Variants in ZNF675 observed in about 807,000 individuals in gnomAD.
ZNF675 encodes the protein TRAF6 inhibitory zinc finger.
ZNF675 carries 36 observed loss-of-function variants against 56.1 expected under a neutral mutation model. The observed-to-expected ratio is 0.64, with a 90% CI of 0.49 to 0.85. ZNF675 has a LOEUF of 0.85. ZNF675 is among the 40% of genes least tolerant of loss of function. The pLI is 0.00. For synonymous variants in ZNF675, 200 were observed against 218.9 expected, an observed-to-expected ratio of 0.91 and a Z score of 0.76; for missense variants, 663 against 654.2, an observed-to-expected ratio of 1.01 and a Z score of -0.15.
At chr19:23,677,842 G>A (rs1038483352) in intron 1 of ZNF675, among the ~76,000 whole-genome samples, 6 of 151,382 alleles carry the variant, frequency 4.0e-5, no homozygotes, top group African/African-American at 1.5e-4. Context: ...AGAGATGGCC[G>A]GCTACAGTGG....
At chr19:23,682,114 CAAAAT>C (rs1182969779) in intron 1 of ZNF675, among the ~76,000 whole-genome samples, 6 of 151,702 alleles carry the variant, frequency 4.0e-5, no homozygotes, top group East Asian at 3.9e-4. Context: ...CTTCAGTGGT[CAAAAT>C]AAAATACTTC....
chr19:23,677,009 G>C (rs1171292208), intron 1 of ZNF675, among the ~76,000 whole-genome samples: 2 of 150,344 alleles, frequency 1.3e-5, no homozygotes, highest in Non-Finnish European at 2.9e-5. Context: ...CCCGGGAGGT[G>C]GAGCTTGCAG....
At chr19:23,685,215 C>CA (rs1462114258) in intron 1 of ZNF675, among the ~76,000 whole-genome samples, 5 of 152,124 alleles carry the variant, frequency 3.3e-5, no homozygotes, top group African/African-American at 1.2e-4. Flanking sequence ...TCCACCGCCT[C>CA]AGACTCCCAA....
intron 1 of ZNF675, among the ~76,000 whole-genome samples, chr19:23,668,693 G>A (rs1372951336): frequency 6.6e-5 from 10 of 152,312 alleles, no homozygotes; most frequent in South Asian, 2.1e-4. Flanking sequence ...GCTAAGGCCC[G>A]GCGAGAAATC....
chr19:23,668,852 G>T (rs756042613), intron 1 of ZNF675, among the ~76,000 whole-genome samples: 7 of 152,176 alleles, frequency 4.6e-5, no homozygotes, highest in Non-Finnish European at 8.8e-5. Flanking sequence ...CGCCCACCCG[G>T]AACTCCAGCT....
chr19:23,686,646 G>A (rs1216417970), intron 1 of ZNF675, among the ~76,000 whole-genome samples: 3 of 152,034 alleles, frequency 2.0e-5, no homozygotes, highest in Non-Finnish European at 4.4e-5. Context: ...ATTTTAATAG[G>A]AGAAAACAGG....
chr19:23,671,054 T>C (rs763950147), intron 1 of ZNF675, among the ~76,000 whole-genome samples: 6 of 152,086 alleles, frequency 3.9e-5, no homozygotes, highest in Non-Finnish European at 8.8e-5. Flanking sequence ...GGCAGAAAAT[T>C]ATGATAAAGT....
At chr19:23,658,108 T>A (rs567119790) in intron 3 of ZNF675, among the ~76,000 whole-genome samples, 1 of 152,182 alleles carries the variant, frequency 6.6e-6, no homozygotes, top group South Asian at 2.1e-4. Context: ...ACGTCTGTAA[T>A]CCCAGCACAT....
intron 1 of ZNF675, among the ~76,000 whole-genome samples, chr19:23,665,060 C>A (rs1324894917): frequency 3.9e-5 from 6 of 151,952 alleles, no homozygotes; most frequent in African/African-American, 1.5e-4. Context: ...AATTAGAAAC[C>A]TGGGCTGGGC....
At position 23,663,122 on chromosome 19, in the gene ZNF675, A is replaced by G. The variant is rs756583473; in HGVS notation, c.40T>C (p.Ser14Pro). 1.9e-6 allele frequency: 3 copies of G among 1,610,940 alleles called. No individual in the cohort carries two copies. Among genetic ancestry groups the G allele is most frequent in the Admixed American group, 1.7e-5 (1 of 59,492 alleles). ...LTFRDVAIEF[S>P]LEEWQCLDTA... is the part of the protein sequence containing the mutation. ...TCCAGGCATTGCCATTCTTCCAGAG[A>G]GAATTCTATGGCCACATCCCTAAAT... The change falls in exon 2 of 4, where the codon TCT becomes CCT. Residue 14 changes from serine to proline, a missense_variant. Transcript: ENST00000359788.
In ZNF675 at chr19:23,654,142, G is replaced by C. The variant is rs776352296; in HGVS notation, c.791C>G (p.Ala264Gly). Residue 264 changes from alanine to glycine, a missense_variant, in exon 4 of 4, where the codon GCC (alanine) becomes GGC (glycine). Around this residue, in one of 3 missense-constraint regions of ZNF675, gnomAD observed 617 missense variants for 590.5 expected, o/e 1.04. Coordinates refer to ENST00000359788, the MANE Select transcript of ZNF675 (RefSeq NM_138330.3). The stretch of plus-strand genomic sequence containing the variant: ...AGTAAGGTGTGAGGACTGGTTAAAG[G>C]CTTTGCCACATTCTTCACATTTGTA... The part of the protein sequence containing the change: ...KPYKCEECGK[A>G]FNQSSHLTTH... The C allele has an allele frequency of 6.2e-7, 1 of 1,613,930 alleles. No individual in the cohort carries two copies. Among genetic ancestry groups the C allele is most frequent in the Non-Finnish European group, 8.5e-7 (1 of 1,179,972 alleles).
intron 3 of ZNF675, chr19:23,655,581 T>G (rs1196116494): frequency 2.0e-5 from 3 of 151,980 alleles, no homozygotes; most frequent in Non-Finnish European, 4.4e-5. Context: ...TGAGGAACTT[T>G]CCCTCATGAC....
Position 23,654,540 on chromosome 19 carries a change from T to G in ZNF675, c.393A>C (p.Gly131=). The change falls in exon 4 of 4, where the codon GGA becomes GGC. Residue 131 remains glycine, a synonymous_variant. Coordinates refer to ENST00000359788, the MANE Select transcript of ZNF675 (RefSeq NM_138330.3). ...GCATAGTTGGTAAACATTGGTTAAG[T>G]CCATTATAACCTCCCTTGTGCAACT... ...ECKLHKGGYN[G]LNQCLPTMQS... is the part of the protein sequence containing the mutation. 1 of 1,607,114 alleles carries G rather than the reference T, an allele frequency of 6.2e-7. No homozygotes were observed. Among genetic ancestry groups the G allele is most frequent in the Non-Finnish European group, 8.5e-7 (1 of 1,176,876 alleles).
At chr19:23,654,805 C>A in intron 3 of ZNF675, 99 bp from the exon 4 acceptor site, 1 of 970,628 alleles carries the variant, frequency 1.0e-6, no homozygotes, top group Non-Finnish European at 1.4e-6. Flanking sequence ...AGCAAGATGG[C>A]ACCACAGGCC....
intron 1 of ZNF675, among the ~76,000 whole-genome samples, chr19:23,677,976 A>C (rs62118323): frequency 6.6e-6 from 1 of 151,228 alleles, no homozygotes; most frequent in Admixed American, 6.6e-5. Flanking sequence ...CAAAATTAGC[A>C]CGGGGTGGTG....
At chr19:23,678,298 C>T (rs1487261906) in intron 1 of ZNF675, among the ~76,000 whole-genome samples, 2 of 146,984 alleles carry the variant, frequency 1.4e-5, no homozygotes, top group African/African-American at 5.1e-5. Context: ...GTTCTTGTCG[C>T]CTAGGCTGGA....
At chr19:23,663,295 T>A in intron 1 of ZNF675, 137 bp from the exon 2 acceptor site, 1 of 1,141,408 alleles carries the variant, frequency 8.8e-7, no homozygotes, top group South Asian at 1.5e-5. Context: ...AAAATCATAT[T>A]TTTTACACAG....
intron 1 of ZNF675, 42 bp downstream of exon 1, chr19:23,686,989 A>G: frequency 6.2e-7 from 1 of 1,613,256 alleles, no homozygotes; most frequent in Non-Finnish European, 8.5e-7. Flanking sequence ...GGTTCCAACC[A>G]GCCCCTTCCC....
At chr19:23,661,697 A>C (rs1968081053) in intron 3 of ZNF675, among the ~76,000 whole-genome samples, 1 of 152,214 alleles carries the variant, frequency 6.6e-6, no homozygotes, top group Admixed American at 6.5e-5. Flanking sequence ...CTCAAAAAAA[A>C]AGAAGGAAAG....
Sources: gnomAD v4.1 joint callset for allele counts (sites outside exome capture counted in the v4.1 genomes callset) on GRCh38, gnomAD v4.1.1 for gene constraint, gnomAD v4.1.1 regional missense constraint, MANE v1.5 for transcripts, NCBI Gene and HGNC (gene_info 2026-07-23, HGNC 2026-07-21) for gene names.